Variants in RICTOR observed in about 807,000 individuals in gnomAD.
RICTOR encodes rapamycin-insensitive companion of mTOR.
Under a neutral mutation model 214.9 loss-of-function variants are expected in RICTOR, and 49 were observed. The ratio of observed to expected loss-of-function variants is 0.23; its 90% CI spans 0.18 to 0.29. The LOEUF (loss-of-function observed/expected upper bound fraction) is 0.29. Among genes scored for constraint, RICTOR ranks in the 10% least tolerant of loss-of-function variants. The pLI, the probability that RICTOR is intolerant of heterozygous loss-of-function variation, is 1.00. For missense variants in RICTOR, 1,625 were observed against 2,047.0 expected, an observed-to-expected ratio of 0.79 and a Z score of 3.98; for synonymous variants, 717 against 711.3, an observed-to-expected ratio of 1.01 and a Z score of -0.13.
intron 25 of RICTOR, among the ~76,000 whole-genome samples, chr5:38,957,305 A>G (rs1393982602): frequency 1.3e-5 from 2 of 152,126 alleles, no homozygotes; most frequent in Non-Finnish European, 2.9e-5. Flanking sequence ...TTTTAGCTTA[A>G]AGGGCTCATG....
Position 38,944,985 on chromosome 5 carries a change from T to C in RICTOR, c.4717A>G (p.Ile1573Val). Residue 1573 changes from isoleucine to valine, a missense_variant, in exon 35 of 38, where the codon ATT (isoleucine) becomes GTT (valine). Around this residue, in one of 5 missense-constraint regions of RICTOR, gnomAD observed 1,214 missense variants for 1,470.5 expected, o/e 0.83. Coordinates refer to ENST00000357387, the MANE Select transcript of RICTOR (RefSeq NM_152756.5). ...GACACCCCATCACTGCATCCAGAAA[T>C]CCCCGAAAACTTAGAGGGAACCACT... ...LEVVPSKFSG[I>V]SGCSDGVSQE... 6.2e-7 allele frequency: 1 copy of C among 1,613,660 alleles called. No individual in the cohort carries two copies. Among genetic ancestry groups the C allele is most frequent in the Non-Finnish European group, 8.5e-7 (1 of 1,179,716 alleles).
intron 36 of RICTOR, chr5:38,944,212 AG>A: frequency 1.7e-6 from 1 of 597,304 alleles, no homozygotes; most frequent in Non-Finnish European, 3.1e-6. Flanking sequence ...TCTCTTCAAA[AG>A]TCTGGCTTAA....
rs577010287 is a variant in RICTOR at position 38,969,109 on chromosome 5, T to C, written c.973-1079A>G. On this transcript the variant is annotated intron_variant, in intron 11 of 37. Coordinates refer to ENST00000357387, the MANE Select transcript of RICTOR (RefSeq NM_152756.5). ...CGCCAGCCTCCTGAGTAGCTGGGAT[T>C]ATAGGCACCTGCCACCACGCCCGGC... 2.0e-5 allele frequency among the ~76,000 whole-genome samples: 3 copies of C among 151,676 alleles called. No homozygotes were observed. The South Asian group carries it at 6.3e-4, about 32-fold the overall frequency.
At chr5:39,041,260 C>T (rs1359878144) in intron 2 of RICTOR, among the ~76,000 whole-genome samples, 3 of 152,122 alleles carry the variant, frequency 2.0e-5, no homozygotes, top group Non-Finnish European at 4.4e-5. Context: ...TGTGAAAAAA[C>T]AAGGTACTTT....
At chr5:39,038,920 C>T (rs898389817) in intron 2 of RICTOR, among the ~76,000 whole-genome samples, 4 of 151,956 alleles carry the variant, frequency 2.6e-5, no homozygotes, top group Non-Finnish European at 4.4e-5. Context: ...CAATGCCATC[C>T]CCATCAAGCT....
At chr5:39,023,479 G>C (rs1287129480) in intron 2 of RICTOR, among the ~76,000 whole-genome samples, 1 of 152,182 alleles carries the variant, frequency 6.6e-6, no homozygotes, top group Non-Finnish European at 1.5e-5. Flanking sequence ...GGCCAGATAT[G>C]GCCTTATAGG....
chr5:39,045,635 T>C (rs2150177450), intron 2 of RICTOR, among the ~76,000 whole-genome samples: 1 of 152,308 alleles, frequency 6.6e-6, no homozygotes, highest in South Asian at 2.1e-4. Flanking sequence ...GCTGAGACAT[T>C]AATTTTTATA....
Position 39,074,391 on chromosome 5 carries a change from A to T in RICTOR, c.-14T>A. On this transcript the variant is annotated 5_prime_UTR_variant, in exon 1 of 38. Transcript: ENST00000357387. Reference sequence around the variant, plus strand: ...GATCGCCGCCATATTGACGGGTTTCAGTCACAACACCGGAAACCTCGCCCA... The same window carrying T: ...GATCGCCGCCATATTGACGGGTTTCTGTCACAACACCGGAAACCTCGCCCA... The T allele has an allele frequency of 6.5e-7, 1 of 1,535,522 alleles. No homozygotes were observed. Among genetic ancestry groups the T allele is most frequent in the Non-Finnish European group, 8.8e-7 (1 of 1,139,908 alleles).
intron 7 of RICTOR, among the ~76,000 whole-genome samples, chr5:38,990,528 T>TATATACACGATATATATACG (rs1190886416): frequency 2.7e-5 from 4 of 146,336 alleles, no homozygotes; most frequent in African/African-American, 1.0e-4. Flanking sequence ...ATATATACGA[T>TATATACACGATATATATACG]ATATATACGA....
At chr5:39,000,164 T>C (rs1753504765) in intron 5 of RICTOR, among the ~76,000 whole-genome samples, 1 of 151,592 alleles carries the variant, frequency 6.6e-6, no homozygotes, top group Admixed American at 6.6e-5. Flanking sequence ...AATAATTGAG[T>C]CTATAATTTT....
chr5:38,956,149 G>A (rs915487728), intron 25 of RICTOR, among the ~76,000 whole-genome samples: 15 of 151,924 alleles, frequency 9.9e-5, no homozygotes, highest in African/African-American at 2.7e-4. Context: ...CAGAAAATGC[G>A]TCCTCATCTA....
At chr5:39,053,811 G>C (rs981303081) in intron 2 of RICTOR, among the ~76,000 whole-genome samples, 1 of 147,132 alleles carries the variant, frequency 6.8e-6, no homozygotes, top group African/African-American at 2.6e-5. Flanking sequence ...AGAATGGCGT[G>C]AACCCCAGGG....
chr5:38,967,593 A>T (rs188882477), intron 12 of RICTOR, among the ~76,000 whole-genome samples, 166 bp from the exon 13 acceptor site: 9 of 152,356 alleles, frequency 5.9e-5, no homozygotes. Flanking sequence ...AAATACACGC[A>T]GATCTAATTT....
At chr5:39,058,963 A>G (rs540098427) in intron 2 of RICTOR, among the ~76,000 whole-genome samples, 90 of 152,280 alleles carry the variant, frequency 5.9e-4, no homozygotes, top group African/African-American at 2.2e-3. Context: ...TGTTCAATGA[A>G]AAGTTCAGGC....
At chr5:39,058,897 A>G (rs1028495857) in intron 2 of RICTOR, among the ~76,000 whole-genome samples, 27 of 152,146 alleles carry the variant, frequency 1.8e-4, no homozygotes, top group African/African-American at 6.0e-4. Flanking sequence ...TTTTCATTAA[A>G]CAGTCATTCA....
At chr5:38,988,354 T>G (rs982984052) in intron 7 of RICTOR, among the ~76,000 whole-genome samples, 1 of 152,282 alleles carries the variant, frequency 6.6e-6, no homozygotes, top group East Asian at 1.9e-4. Flanking sequence ...TCTAAGAACT[T>G]GCTTTATGAA....
At chr5:38,952,053 C>A (rs1006386362) in intron 30 of RICTOR, 143 bp downstream of exon 30, 6 of 592,674 alleles carry the variant, frequency 1.0e-5, no homozygotes, top group African/African-American at 1.9e-5. Flanking sequence ...TGAAAATATA[C>A]ACATTCTCCA....
intron 3 of RICTOR, among the ~76,000 whole-genome samples, chr5:39,011,650 G>C (rs1475376215): frequency 1.3e-5 from 2 of 152,206 alleles, no homozygotes; most frequent in Non-Finnish European, 2.9e-5. Context: ...TCTTGCATCA[G>C]TGTGACCTGG....
chr5:38,984,047 C>G (rs10461997), intron 7 of RICTOR, among the ~76,000 whole-genome samples: 25 of 102,052 alleles, frequency 2.4e-4, no homozygotes, highest in African/African-American at 8.9e-4. Context: ...GTAAGAATTA[C>G]CTGTTTTTTT....
Sources: gnomAD v4.1 joint callset for allele counts (sites outside exome capture counted in the v4.1 genomes callset) on GRCh38, gnomAD v4.1.1 for gene constraint, gnomAD v4.1.1 regional missense constraint, MANE v1.5 for transcripts, NCBI Gene and HGNC (gene_info 2026-07-23, HGNC 2026-07-21) for gene names.